Variants in RIF1 observed in about 807,000 individuals in gnomAD.
RIF1 encodes the protein replication timing regulatory factor 1.
A neutral mutation model predicts 247.1 loss-of-function variants in RIF1; 45 were observed. The observed-to-expected ratio is 0.18, with a 90% CI of 0.14 to 0.23. RIF1 has a LOEUF of 0.23. RIF1 is among the 10% of genes least tolerant of loss of function. The pLI, the probability that RIF1 is intolerant of heterozygous loss-of-function variation, is 1.00. For synonymous variants in RIF1, 1,087 were observed against 978.8 expected, an observed-to-expected ratio of 1.11 and a Z score of -2.06; for missense variants, 2,967 against 2,862.5, an observed-to-expected ratio of 1.04 and a Z score of -0.83.
At chr2:151,522,239 G>A in the RIF1 span, among the ~76,000 whole-genome samples, 2 of 152,108 alleles carry the variant, frequency 1.3e-5, no homozygotes, top group Admixed American at 6.5e-5. Context: ...GTATACTGGT[G>A]CTTCTAAAGA....
At chr2:151,413,631 C>T (rs1340602612) in intron 3 of RIF1, among the ~76,000 whole-genome samples, 1 of 152,108 alleles carries the variant, frequency 6.6e-6, no homozygotes, top group Non-Finnish European at 1.5e-5. Context: ...AGCTGTTATC[C>T]AGGAGATACA....
the RIF1 span, chr2:151,518,344 T>C: frequency 6.2e-7 from 1 of 1,610,212 alleles, no homozygotes; most frequent in Non-Finnish European, 8.5e-7. Flanking sequence ...GTGGCCTCTT[T>C]TAGGTGAAGC....
At chr2:151,473,592 T>C (rs2048744935) in intron 34 of RIF1, among the ~76,000 whole-genome samples, 1 of 152,114 alleles carries the variant, frequency 6.6e-6, no homozygotes, top group African/African-American at 2.4e-5. Flanking sequence ...AAAATTGTGT[T>C]CTTTTTTTTA....
At chr2:151,507,128 C>T in intron 13 of RIF1, 2 of 671,282 alleles carry the variant, frequency 3.0e-6, no homozygotes, top group Non-Finnish European at 5.0e-6. Context: ...AAAGTCTATG[C>T]ACAATAATTA....
intron 8 of RIF1, among the ~76,000 whole-genome samples, chr2:151,426,204 T>G (rs1159860077): frequency 1.7e-5 from 2 of 121,054 alleles, no homozygotes; most frequent in African/African-American, 6.3e-5. Flanking sequence ...AGCTGGAGAC[T>G]GTCCGTGTCG....
At position 151,439,437 on chromosome 2, in the gene RIF1, G is replaced by A. The variant is rs576479332; in HGVS notation, c.1547-590G>A. On this transcript the variant is annotated intron_variant, in intron 14 of 35. Coordinates refer to ENST00000444746, the MANE Select transcript of RIF1 (RefSeq NM_018151.5). ...TCCAGCACTTTGGGAGGCCGAGGCGGGCGGATCACCTGAGGTCAGGAGTTT... is the reference window on the plus strand; with the variant it reads ...TCCAGCACTTTGGGAGGCCGAGGCGAGCGGATCACCTGAGGTCAGGAGTTT... Among the ~76,000 whole-genome samples, 31 of 152,224 alleles carry A rather than the reference G, an allele frequency of 2.0e-4. No homozygotes were observed. In the South Asian group the frequency reaches 3.3e-3, roughly 16 times the overall value.
chr2:151,481,531 A>T lies in RIF1; in HGVS notation c.*6460A>T, dbSNP rs1018956005. ...CTGATAGATGCCAAATCAGTCATTT[A>T]TTAACCCTCTAATATTGTTGTCCCG... On this transcript the variant is annotated 3_prime_UTR_variant, in exon 36 of 36. Transcript: ENST00000444746. 1.3e-5 allele frequency: 2 copies of T among 152,262 alleles called. No homozygotes were observed. Among genetic ancestry groups the T allele is most frequent in the Non-Finnish European group, 2.9e-5 (2 of 68,042 alleles). The allele number at this position is 152,262 out of a possible 1,614,324, so 9.4% of individuals were successfully genotyped here.
intron 10 of RIF1, chr2:151,497,053 C>T: frequency 6.4e-7 from 1 of 1,554,750 alleles, no homozygotes; most frequent in Non-Finnish European, 8.7e-7. Context: ...AAGAAAGCAA[C>T]CAGAAAAACA....
intron 9 of RIF1, chr2:151,493,394 C>T: frequency 6.2e-7 from 1 of 1,611,874 alleles, no homozygotes. Flanking sequence ...CTCTCCATCT[C>T]TGGAGTAACA....
chr2:151,501,621 A>G, intron 11 of RIF1: 2 of 476,256 alleles, frequency 4.2e-6, no homozygotes, highest in Non-Finnish European at 7.6e-6. Context: ...TTAAAAATAG[A>G]GTTAACTATA....
chr2:151,493,848 A>G, intron 9 of RIF1: 3 of 1,572,992 alleles, frequency 1.9e-6, no homozygotes, highest in Non-Finnish European at 2.6e-6. Flanking sequence ...TGCTTTCCCC[A>G]GGTTCTCTTT....
chr2:151,425,412 G>T (rs1466542452), intron 8 of RIF1, among the ~76,000 whole-genome samples: 2 of 151,884 alleles, frequency 1.3e-5, no homozygotes, highest in East Asian at 1.9e-4. Flanking sequence ...TATATTTTTT[G>T]TTATTGCTAG....
chr2:151,490,227 C>A, intron 9 of RIF1: 1 of 1,174,480 alleles, frequency 8.5e-7, no homozygotes, highest in South Asian at 1.6e-5. Flanking sequence ...TAACTTCATG[C>A]AGCCCTCCAC....
At chr2:151,493,214 G>A (rs1467941046) in intron 9 of RIF1, 5 of 664,100 alleles carry the variant, frequency 7.5e-6, no homozygotes, top group South Asian at 2.1e-5. Flanking sequence ...GTGTTAAAAC[G>A]TTACTTTCCA....
chr2:151,416,545 A>G lies in RIF1; in HGVS notation c.281-16A>G, dbSNP rs1279803810. On this transcript the variant is annotated splice_polypyrimidine_tract_variant and intron_variant, in intron 4 of 35. Coordinates refer to ENST00000444746, the MANE Select transcript of RIF1 (RefSeq NM_018151.5). ...ATCACCTATTCTATACAAAATTAAAACTGCTTGTTTTTCAGAGGCAAATGC... is the reference window on the plus strand; with the variant it reads ...ATCACCTATTCTATACAAAATTAAAGCTGCTTGTTTTTCAGAGGCAAATGC... The G allele has an allele frequency of 6.3e-7, 1 of 1,579,300 alleles. No individual in the cohort carries two copies.
At chr2:151,506,419 A>G in intron 13 of RIF1, 1 of 611,448 alleles carries the variant, frequency 1.6e-6, no homozygotes, top group East Asian at 2.7e-5. Context: ...TGTCAGTATC[A>G]GTGACTCAGA....
At chr2:151,498,427 G>A in intron 10 of RIF1, 1 of 1,028,652 alleles carries the variant, frequency 9.7e-7, no homozygotes, top group Non-Finnish European at 1.4e-6. Flanking sequence ...GAGCAGTTGG[G>A]AGTGGGAAGG....
intron 9 of RIF1, among the ~76,000 whole-genome samples, chr2:151,430,533 G>C (rs1457548061): frequency 1.3e-5 from 2 of 152,090 alleles, no homozygotes; most frequent in African/African-American, 2.4e-5. Context: ...TACTGGCCAG[G>C]CTGGTCTCGA....
At chr2:151,507,818 A>C (rs758124792) in exon 14 of RIF1, 4 of 573,436 alleles carry the variant, frequency 7.0e-6, no homozygotes, top group Non-Finnish European at 1.2e-5. Flanking sequence ...TGAGTCTTTC[A>C]TGCTGTGATT....
Sources: allele counts gnomAD v4.1 joint callset (sites outside exome capture counted in the v4.1 genomes callset), GRCh38; gene constraint gnomAD v4.1.1; transcripts MANE v1.5; gene names NCBI Gene and HGNC (gene_info 2026-07-23, HGNC 2026-07-21).